The following ARHGAP44 variants were observed in gnomAD, a reference collection of about 807,000 sequenced individuals.
The protein encoded by ARHGAP44 is Rho GTPase activating protein 44, also known as rho GTPase-activating protein 44.
Under a neutral mutation model 106.8 loss-of-function variants are expected in ARHGAP44, and 43 were observed. The observed-to-expected ratio is 0.40, with a 90% CI of 0.32 to 0.52. The LOEUF (loss-of-function observed/expected upper bound fraction) is 0.52, where lower values mean the gene tolerates loss of function less well. Ranked by LOEUF, ARHGAP44 falls within the 20% of genes least tolerant of loss-of-function variation. ARHGAP44 has a pLI of 0.48. For missense variants in ARHGAP44, 866 were observed against 1,050.5 expected (o/e 0.82, Z 2.43); for synonymous variants, 439 against 410.3 (o/e 1.07, Z -0.85).
At chr17:12,955,697 G>A in intron 13 of ARHGAP44, 170 bp from the exon 14 acceptor site, 3 of 545,376 alleles carry the variant, frequency 5.5e-6, no homozygotes, top group Non-Finnish European at 9.9e-6. Context: ...TTTGGAAAGA[G>A]GATGCAGAAT....
At chr17:12,914,173 A>T (rs1401226668) in intron 4 of ARHGAP44, among the ~76,000 whole-genome samples, 1 of 152,140 alleles carries the variant, frequency 6.6e-6, no homozygotes, top group East Asian at 1.9e-4. Context: ...TTCATGGGAG[A>T]GGGATATTAA....
At chr17:12,870,833 A>G (rs2036386684) in intron 1 of ARHGAP44, among the ~76,000 whole-genome samples, 1 of 152,130 alleles carries the variant, frequency 6.6e-6, no homozygotes, top group Non-Finnish European at 1.5e-5. Flanking sequence ...TTTTACTTAT[A>G]TTTAAAACTC....
At chr17:12,901,598 C>A (rs901391743) in intron 3 of ARHGAP44, among the ~76,000 whole-genome samples, 18 of 151,798 alleles carry the variant, frequency 1.2e-4, no homozygotes, top group African/African-American at 4.4e-4. Context: ...TGGATGTGGG[C>A]GTATGAAGAA....
chr17:12,954,025 C>A (rs570756995), intron 13 of ARHGAP44, among the ~76,000 whole-genome samples: 1 of 151,562 alleles, frequency 6.6e-6, no homozygotes, highest in East Asian at 1.9e-4. Context: ...GTAGCTGGGA[C>A]TATGTGCATG....
At chr17:12,915,828 T>G in intron 4 of ARHGAP44, 72 bp from the exon 5 acceptor site, 1 of 1,313,862 alleles carries the variant, frequency 7.6e-7, no homozygotes, top group South Asian at 1.3e-5. Context: ...AGCCAGGAGG[T>G]GAGGGGAGGG....
chr17:12,844,422 A>C (rs555929473), intron 1 of ARHGAP44, among the ~76,000 whole-genome samples: 88 of 152,324 alleles, frequency 5.8e-4, no homozygotes, highest in African/African-American at 2.0e-3. Context: ...CTACCGCAAT[A>C]ACAACGTTAA....
At chr17:12,989,311 G>T (rs2040049895) in intron 20 of ARHGAP44, among the ~76,000 whole-genome samples, 1 of 152,032 alleles carries the variant, frequency 6.6e-6, no homozygotes, top group Non-Finnish European at 1.5e-5. Context: ...AAGAGGCTTC[G>T]TGTCCACTCA....
intron 1 of ARHGAP44, among the ~76,000 whole-genome samples, chr17:12,791,658 TC>T (rs1477002600): frequency 6.6e-6 from 1 of 152,216 alleles, no homozygotes; most frequent in Non-Finnish European, 1.5e-5. Flanking sequence ...ATCTTATTTT[TC>T]AGCCTCATCC....
At chr17:12,902,933 T>TA (rs1221115017) in intron 3 of ARHGAP44, among the ~76,000 whole-genome samples, 3 of 152,048 alleles carry the variant, frequency 2.0e-5, no homozygotes, top group Admixed American at 1.3e-4. Flanking sequence ...AGTGGCCCGC[T>TA]ATTAGACTGG....
rs117826615 is a variant in ARHGAP44 at position 12,969,495 on chromosome 17, A to G, written c.1524-3807A>G. ...GGATGATTCGAGGATAATCAGATAGAACTCCTCCATATTATAGAGTTAGTC... is the reference window on the plus strand; with the variant it reads ...GGATGATTCGAGGATAATCAGATAGGACTCCTCCATATTATAGAGTTAGTC... On this transcript the variant is annotated intron_variant, in intron 16 of 20. Transcript: ENST00000379672. Among the ~76,000 whole-genome samples the G allele has an allele frequency of 1.3e-4, 20 of 152,322 alleles. No homozygotes were observed. The East Asian group carries it at 3.9e-3, about 29-fold the overall frequency.
At chr17:12,902,702 C>A (rs987590027) in intron 3 of ARHGAP44, among the ~76,000 whole-genome samples, 1 of 152,146 alleles carries the variant, frequency 6.6e-6, no homozygotes, top group African/African-American at 2.4e-5. Context: ...ATCTGACGAC[C>A]CAAGGGTGAA....
intron 1 of ARHGAP44, among the ~76,000 whole-genome samples, chr17:12,824,714 A>G (rs1423552891): frequency 6.6e-6 from 1 of 151,942 alleles, no homozygotes. Context: ...AGACTAGAAA[A>G]TCTGAATATG....
At chr17:12,814,222 C>T (rs558361192) in intron 1 of ARHGAP44, among the ~76,000 whole-genome samples, 1 of 150,708 alleles carries the variant, frequency 6.6e-6, no homozygotes, top group East Asian at 1.9e-4. Context: ...GTGCAGCCAC[C>T]TCCCAAACTG....
At chr17:12,942,320 T>C (rs1049148500) in intron 8 of ARHGAP44, among the ~76,000 whole-genome samples, 2 of 152,166 alleles carry the variant, frequency 1.3e-5, no homozygotes, top group Non-Finnish European at 2.9e-5. Flanking sequence ...CTAATTTTTG[T>C]ATTTTTAGTA....
chr17:12,868,393 A>T (rs924715928), intron 1 of ARHGAP44, among the ~76,000 whole-genome samples: 1 of 151,826 alleles, frequency 6.6e-6, no homozygotes, highest in Admixed American at 6.6e-5. Context: ...TTTAATATGA[A>T]ATTTTTGGGG....
rs147066857 is a variant in ARHGAP44 at position 12,919,328 on chromosome 17, T to C, written c.388-427T>C. 2.9e-3 allele frequency among the ~76,000 whole-genome samples: 436 copies of C among 152,120 alleles called. 2 individuals carry two copies. The highest frequency in any genetic ancestry group is 4.4e-3 in the Non-Finnish European group (298 of 67,992). On this transcript the variant is annotated intron_variant, in intron 5 of 20. Transcript: ENST00000379672. ...AAGGATTTCATCTGAAAATAAGGATTGCGAGACCGCTAGTAAACTTGTTGG... is the reference window on the plus strand; with the variant it reads ...AAGGATTTCATCTGAAAATAAGGATCGCGAGACCGCTAGTAAACTTGTTGG...
intron 1 of ARHGAP44, among the ~76,000 whole-genome samples, chr17:12,859,622 G>C (rs1196047507): frequency 2.0e-5 from 3 of 152,116 alleles, no homozygotes; most frequent in Non-Finnish European, 4.4e-5. Context: ...TGTTATTCTT[G>C]TTGAGTCATA....
intron 16 of ARHGAP44, among the ~76,000 whole-genome samples, chr17:12,972,393 A>G (rs138233341): frequency 2.8e-4 from 42 of 152,166 alleles, no homozygotes; most frequent in Middle Eastern, 6.8e-3. Context: ...CACACCTGTA[A>G]TCCCAGCACT....
chr17:12,886,411 G>T (rs1245971392), intron 1 of ARHGAP44, among the ~76,000 whole-genome samples: 1 of 152,036 alleles, frequency 6.6e-6, no homozygotes, highest in African/African-American at 2.4e-5. Context: ...GATCAGTTTG[G>T]GGAGAAGTGA....
Sources: gnomAD v4.1 joint callset for allele counts (sites outside exome capture counted in the v4.1 genomes callset) on GRCh38, gnomAD v4.1.1 for gene constraint, MANE v1.5 for transcripts, NCBI Gene and HGNC (gene_info 2026-07-23, HGNC 2026-07-21) for gene names.